RCAN1: variants seen among roughly 807,000 people sequenced by gnomAD.
The protein encoded by RCAN1 is calcipressin-1.
In RCAN1, 11 loss-of-function variants were observed where a neutral mutation model predicts 22.9. The observed-to-expected ratio is 0.48, with a 90% CI of 0.30 to 0.79. The LOEUF is 0.79. Among genes scored for constraint, RCAN1 ranks in the 30% least tolerant of loss-of-function variants. RCAN1 has a pLI of 0.06. For missense variants in RCAN1, 291 were observed against 337.8 expected (o/e 0.86, Z 1.09); for synonymous variants, 136 against 142.3 (o/e 0.96, Z 0.32).
chr21:34,579,066 A>G (rs1269578945), intron 1 of RCAN1, among the ~76,000 whole-genome samples: 1 of 152,214 alleles, frequency 6.6e-6, no homozygotes, highest in Non-Finnish European at 1.5e-5. Flanking sequence ...TTTTTAGGCC[A>G]GTTGTTTAGG....
chr21:34,608,424 G>T (rs555526328), intron 1 of RCAN1, among the ~76,000 whole-genome samples: 6 of 152,304 alleles, frequency 3.9e-5, no homozygotes, highest in Admixed American at 1.3e-4. Context: ...CTGAGATTAG[G>T]CTACAAAAAG....
intron 1 of RCAN1, among the ~76,000 whole-genome samples, chr21:34,540,845 C>T (rs57037502): frequency 0.24 from 36,229 of 151,716 alleles, 4,993 homozygotes; most frequent in African/African-American, 0.38. Context: ...ATTAGCTGGG[C>T]GGGGTGGCGG....
At chr21:34,594,074 A>T (rs1988065272) in intron 1 of RCAN1, among the ~76,000 whole-genome samples, 1 of 152,206 alleles carries the variant, frequency 6.6e-6, no homozygotes, top group African/African-American at 2.4e-5. Context: ...ATTATATTAG[A>T]GGAGTTCCTG....
intron 1 of RCAN1, among the ~76,000 whole-genome samples, chr21:34,562,546 C>G (rs1986830504): frequency 2.0e-5 from 3 of 152,214 alleles, no homozygotes; most frequent in Admixed American, 1.3e-4. Flanking sequence ...TCACCTGAAA[C>G]TTATCCTAGA....
chr21:34,561,046 C>T (rs1023459993), intron 1 of RCAN1, among the ~76,000 whole-genome samples: 2 of 152,024 alleles, frequency 1.3e-5, no homozygotes, highest in Non-Finnish European at 2.9e-5. Context: ...TCAGGGGATC[C>T]GATGATTTTA....
At chr21:34,572,019 CT>C (rs1568916402) in intron 1 of RCAN1, among the ~76,000 whole-genome samples, 1 of 152,066 alleles carries the variant, frequency 6.6e-6, no homozygotes, top group Non-Finnish European at 1.5e-5. Context: ...GAAGAGCTCC[CT>C]TTTATCATTA....
At chr21:34,555,405 G>T (rs570231273) in intron 1 of RCAN1, among the ~76,000 whole-genome samples, 2 of 152,070 alleles carry the variant, frequency 1.3e-5, no homozygotes, top group East Asian at 1.9e-4. Context: ...TGATGCCTGG[G>T]ATATGTTTAA....
At chr21:34,607,961 T>C (rs978678408) in intron 1 of RCAN1, among the ~76,000 whole-genome samples, 1 of 152,164 alleles carries the variant, frequency 6.6e-6, no homozygotes, top group African/African-American at 2.4e-5. Context: ...CATAGGAGCA[T>C]GAACCCTATT....
chr21:34,538,541 A>C (rs1418713431), intron 1 of RCAN1, among the ~76,000 whole-genome samples: 1 of 152,158 alleles, frequency 6.6e-6, no homozygotes, highest in East Asian at 1.9e-4. Context: ...CCAGACTCTA[A>C]GACAGAGGTT....
intron 1 of RCAN1, among the ~76,000 whole-genome samples, chr21:34,535,956 G>C (rs1332352719): frequency 6.6e-6 from 1 of 151,824 alleles, no homozygotes; most frequent in African/African-American, 2.4e-5. Context: ...GGGAAAAACA[G>C]GGAGGAAGAG....
rs1322021628 is a variant in RCAN1, at chr21:34,517,497, TC to T, written c.*586del. On this transcript the variant is annotated 3_prime_UTR_variant, in exon 4 of 4. Coordinates refer to ENST00000313806, the MANE Select transcript of RCAN1 (RefSeq NM_004414.7). ...ACGTTTTCCAAACGCTTTCCTGGCT[TC>T]CCAAAAGATGTAAAACAACAACGGT... The T allele has an allele frequency of 2.0e-5, 3 of 152,224 alleles. No homozygotes were observed. Among genetic ancestry groups the T allele is most frequent in the Non-Finnish European group, 4.4e-5 (3 of 68,050 alleles). 9.4% of individuals were successfully genotyped at this position (152,224 alleles called of 1,614,324 possible). A position where few individuals can be genotyped will look rare whatever the true frequency, so the allele number is the denominator to read the frequency against.
intron 1 of RCAN1, among the ~76,000 whole-genome samples, chr21:34,552,670 A>G (rs1986412117): frequency 7.2e-6 from 1 of 139,606 alleles, no homozygotes; most frequent in African/African-American, 3.0e-5. Flanking sequence ...ACATGTGCCT[A>G]TTAAAAAAAA....
At chr21:34,544,693 A>G (rs948392086) in intron 1 of RCAN1, among the ~76,000 whole-genome samples, 1 of 152,194 alleles carries the variant, frequency 6.6e-6, no homozygotes, top group Non-Finnish European at 1.5e-5. Context: ...GGTCTCAACG[A>G]GCCTTTGCTG....
chr21:34,539,282 G>A (rs1173270047), intron 1 of RCAN1, among the ~76,000 whole-genome samples: 2 of 152,102 alleles, frequency 1.3e-5, no homozygotes, highest in Non-Finnish European at 1.5e-5. Context: ...ATCAAGATCC[G>A]TGATCAGATA....
chr21:34,569,081 A>G (rs555758619), intron 1 of RCAN1, among the ~76,000 whole-genome samples: 256 of 152,354 alleles, frequency 1.7e-3, no homozygotes, highest in Admixed American at 3.1e-3. Flanking sequence ...ATCTCCCACC[A>G]GGTCCCTCCC....
At chr21:34,558,691 C>T (rs565037399) in intron 1 of RCAN1, among the ~76,000 whole-genome samples, 5 of 152,356 alleles carry the variant, frequency 3.3e-5, no homozygotes, top group South Asian at 2.1e-4. Context: ...CAAGGAACCA[C>T]GGCATCTTCA....
chr21:34,539,710 G>C (rs1287175344), intron 1 of RCAN1, among the ~76,000 whole-genome samples: 1 of 152,206 alleles, frequency 6.6e-6, no homozygotes, highest in African/African-American at 2.4e-5. Flanking sequence ...TTGGTATCAC[G>C]GCTTTTAATA....
intron 1 of RCAN1, among the ~76,000 whole-genome samples, chr21:34,540,098 C>T (rs1160990553): frequency 2.6e-5 from 4 of 152,220 alleles, no homozygotes; most frequent in African/African-American, 9.6e-5. Flanking sequence ...CCCTGGATGA[C>T]CCCTTCCTCT....
chr21:34,551,367 C>T (rs1896141533), intron 1 of RCAN1, among the ~76,000 whole-genome samples: 1 of 152,212 alleles, frequency 6.6e-6, no homozygotes, highest in African/African-American at 2.4e-5. Flanking sequence ...AACCCTGAAT[C>T]ACATTTCCTA....
Sources: gnomAD v4.1 joint callset for allele counts (sites outside exome capture counted in the v4.1 genomes callset) on GRCh38, gnomAD v4.1.1 for gene constraint, MANE v1.5 for transcripts, NCBI Gene and HGNC (gene_info 2026-07-23, HGNC 2026-07-21) for gene names.